FNDC1: variants seen among roughly 807,000 people sequenced by gnomAD.
FNDC1 encodes the protein fibronectin type III domain containing 1.
In FNDC1, 96 loss-of-function variants were observed where a neutral mutation model predicts 168.0. The ratio of observed to expected loss-of-function variants is 0.57; its 90% CI spans 0.48 to 0.68. The LOEUF (loss-of-function observed/expected upper bound fraction) is 0.68. FNDC1 is among the 30% of genes least tolerant of loss of function. The pLI is 0.00. For missense variants in FNDC1, 2,587 were observed against 2,482.1 expected (o/e 1.04, Z -0.90); for synonymous variants, 1,099 against 1,025.9 (o/e 1.07, Z -1.36).
chr6:159,191,946 C>T (rs1782150826), intron 1 of FNDC1, among the ~76,000 whole-genome samples: 1 of 152,172 alleles, frequency 6.6e-6, no homozygotes, highest in African/African-American at 2.4e-5. Flanking sequence ...CCATAGCTCA[C>T]TGCATCCTGC....
chr6:159,207,054 C>A (rs1287110306), intron 4 of FNDC1, among the ~76,000 whole-genome samples: 2 of 152,170 alleles, frequency 1.3e-5, no homozygotes, highest in Non-Finnish European at 2.9e-5. Context: ...CTCCATTTAG[C>A]CAGATGTCCC....
chr6:159,237,056 A>C (rs558947941), intron 12 of FNDC1, among the ~76,000 whole-genome samples: 1 of 152,340 alleles, frequency 6.6e-6, no homozygotes, highest in African/African-American at 2.4e-5. Flanking sequence ...AATGTACTAA[A>C]AGACTATGAC....
rs539576044 is a variant in FNDC1, at chr6:159,252,299, C to T, written c.5065+767C>T. The stretch of plus-strand genomic sequence containing the variant: ...GTGTGTGTCTCTGACTGGGAGGTAG[C>T]GGTCGCATTAGAGGTCAGAGTTTGA... On this transcript the variant is annotated intron_variant, in intron 17 of 22. Transcript: ENST00000297267. 3.3e-5 allele frequency among the ~76,000 whole-genome samples: 5 copies of T among 152,140 alleles called. No homozygotes were observed. In the East Asian group the frequency reaches 5.8e-4, roughly 18 times the overall value.
chr6:159,232,305 A>G lies in FNDC1; in HGVS notation c.1793A>G (p.Asp598Gly). ...GCGCTGCCCCGAAGGGAAGGCGTAGATAAGCCTGGCTTTTCCCTGGCCACG... is the reference window on the plus strand; with the variant it reads ...GCGCTGCCCCGAAGGGAAGGCGTAGGTAAGCCTGGCTTTTCCCTGGCCACG... ...MPALPRREGV[D>G]KPGFSLATQP... is the part of the protein sequence containing the mutation. Residue 598 changes from aspartate (D) to glycine (G), a missense_variant, in exon 11 of 23, where the codon GAT (aspartate) becomes GGT (glycine). By Grantham distance (94) the Asp-to-Gly change is moderately conservative. Transcript: ENST00000297267. The surrounding 1 kb of genome is among the most constrained non-coding windows in gnomAD (Gnocchi z 4.9). 6.2e-7 allele frequency: 1 copy of G among 1,612,740 alleles called. No homozygotes were observed. The highest frequency in any genetic ancestry group is 8.5e-7 in the Non-Finnish European group (1 of 1,179,432).
intron 5 of FNDC1, among the ~76,000 whole-genome samples, chr6:159,219,949 C>A (rs1782786164): frequency 1.3e-5 from 2 of 152,168 alleles, no homozygotes; most frequent in Admixed American, 6.5e-5. Flanking sequence ...ATGAACAGAT[C>A]TGAAGTGACT....
At chr6:159,263,408 T>C (rs973008943) in intron 19 of FNDC1, among the ~76,000 whole-genome samples, 2 of 152,108 alleles carry the variant, frequency 1.3e-5, no homozygotes, top group Non-Finnish European at 2.9e-5. Context: ...CTGTATGATA[T>C]TTTTTTCAAA....
chr6:159,172,493 TC>T (rs986277601), intron 1 of FNDC1, among the ~76,000 whole-genome samples: 5 of 152,228 alleles, frequency 3.3e-5, no homozygotes, highest in Non-Finnish European at 5.9e-5. Flanking sequence ...CTTGAAAGTT[TC>T]CCAATATTTA....
chr6:159,252,860 G>A (rs193004930), intron 17 of FNDC1, among the ~76,000 whole-genome samples: 138 of 152,250 alleles, frequency 9.1e-4, no homozygotes, highest in African/African-American at 3.1e-3. Context: ...ATATCACTGC[G>A]CCCTGATTCA....
intron 17 of FNDC1, among the ~76,000 whole-genome samples, chr6:159,252,013 C>T (rs1368478495): frequency 5.3e-5 from 8 of 152,176 alleles, no homozygotes; most frequent in Non-Finnish European, 1.2e-4. Context: ...TCTCTCCTTT[C>T]ACGTCTGTTG....
intron 1 of FNDC1, among the ~76,000 whole-genome samples, chr6:159,190,434 C>T (rs187566621): frequency 5.6e-4 from 85 of 152,342 alleles, no homozygotes; most frequent in South Asian, 6.2e-4. Context: ...TGCCTTCCTA[C>T]GGGAAAGTTC....
chr6:159,173,304 A>T (rs1409958171), intron 1 of FNDC1, among the ~76,000 whole-genome samples: 1 of 152,122 alleles, frequency 6.6e-6, no homozygotes, highest in Non-Finnish European at 1.5e-5. Flanking sequence ...GGTCAATTGA[A>T]GGAGGCTCCT....
At chr6:159,206,311 G>A (rs1213334651) in intron 4 of FNDC1, among the ~76,000 whole-genome samples, 1 of 152,240 alleles carries the variant, frequency 6.6e-6, no homozygotes, top group Non-Finnish European at 1.5e-5. Context: ...AATGCTGTCT[G>A]TGACATTACT....
chr6:159,176,038 A>G (rs1781753098), intron 1 of FNDC1, among the ~76,000 whole-genome samples: 1 of 152,194 alleles, frequency 6.6e-6, no homozygotes, highest in Non-Finnish European at 1.5e-5. Context: ...CTCAGGAGAA[A>G]TGTGCCATTT....
At chr6:159,244,712 C>A (rs1054674079) in intron 14 of FNDC1, among the ~76,000 whole-genome samples, 43 of 152,154 alleles carry the variant, frequency 2.8e-4, no homozygotes, top group African/African-American at 1.0e-3. Flanking sequence ...TTGGTTAGTT[C>A]AACTTTTAAG....
At position 159,233,507 on chromosome 6, in the gene FNDC1, G is replaced by A. The variant is rs142239017; in HGVS notation, c.2995G>A (p.Gly999Ser). ...CAGTGTTCCCAGAAGGATGACACCC[G>A]GCCGGGCCCCACAACAGCAGCCCCC... is the stretch of plus-strand genomic sequence containing the variant. ...HPSVPRRMTPGRAPQQQPPPP... is the reference protein window; with the variant it reads ...HPSVPRRMTPSRAPQQQPPPP... The change falls in exon 11 of 23, where the codon GGC becomes AGC. Residue 999 changes from glycine to serine, a missense_variant. Gly to Ser is a moderately conservative substitution (Grantham distance 56, BLOSUM62 0). Transcript: ENST00000297267. The surrounding 1 kb of genome is among the most constrained non-coding windows in gnomAD (Gnocchi z 4.6). 8.2e-3 allele frequency: 13,192 copies of A among 1,602,898 alleles called. 62 individuals are homozygous for A. Among genetic ancestry groups the A allele is most frequent in the Non-Finnish European group, 9.5e-3 (11,243 of 1,177,922 alleles).
intron 1 of FNDC1, among the ~76,000 whole-genome samples, chr6:159,172,845 G>C (rs141708152): frequency 6.6e-6 from 1 of 152,288 alleles, no homozygotes; most frequent in African/African-American, 2.4e-5. Context: ...TCTGTGTGAG[G>C]CTGGGTTTTC....
chr6:159,238,696 G>T (rs751043300), intron 13 of FNDC1, 31 bp downstream of exon 13: 10 of 1,399,002 alleles, frequency 7.1e-6, no homozygotes, highest in Non-Finnish European at 2.0e-6. Context: ...AAGAATAAAA[G>T]CCTACTGAAT....
Position 159,233,563 on chromosome 6 carries a change from G to T in FNDC1, c.3051G>T (p.Pro1017=). The T allele has an allele frequency of 6.3e-7, 1 of 1,592,096 alleles. No individual in the cohort carries two copies. Among genetic ancestry groups the T allele is most frequent in the East Asian group, 2.3e-5 (1 of 43,952 alleles). Residue 1017 remains proline (P), a synonymous_variant, in exon 11 of 23, where the codon CCG becomes CCT. Coordinates refer to ENST00000297267, the MANE Select transcript of FNDC1 (RefSeq NM_032532.3). This position sits in a 1 kb window ranked among gnomAD's most constrained non-coding sequence, Gnocchi z 4.6. The part of the protein sequence containing the change: ...PPPVATSQHH[P]GPQSRDAGRS... ...CCGTCGCCACGTCCCAGCACCACCC[G>T]GGACCCCAGAGCAGAGACGCGGGTC...
intron 9 of FNDC1, among the ~76,000 whole-genome samples, chr6:159,227,752 T>C (rs1392192805): frequency 1.3e-5 from 2 of 152,008 alleles, no homozygotes; most frequent in East Asian, 1.9e-4. Flanking sequence ...CTGGGCCACA[T>C]TGGAAGAAGA....
Sources: allele counts gnomAD v4.1 joint callset (sites outside exome capture counted in the v4.1 genomes callset), GRCh38; gene constraint gnomAD v4.1.1; non-coding constraint Gnocchi (gnomAD v3.1); transcripts MANE v1.5; gene names NCBI Gene and HGNC (gene_info 2026-07-23, HGNC 2026-07-21).